RIGI: variants seen among roughly 807,000 people sequenced by gnomAD.
The protein encoded by RIGI is antiviral innate immune response receptor RIG-I.
At chr9:32,463,512 C>T in the RIGI span, among the ~76,000 whole-genome samples, 1 of 152,172 alleles carries the variant, frequency 6.6e-6, no homozygotes, top group Non-Finnish European at 1.5e-5. Flanking sequence ...TAATGGTATT[C>T]AATTATATAC....
the RIGI span, among the ~76,000 whole-genome samples, chr9:32,511,632 A>T: frequency 6.6e-6 from 1 of 151,894 alleles, no homozygotes; most frequent in Admixed American, 6.5e-5. Flanking sequence ...GAAAGAGGGA[A>T]AGATCTAAAA....
the RIGI span, among the ~76,000 whole-genome samples, chr9:32,461,386 T>G: frequency 3.3e-5 from 5 of 152,304 alleles, no homozygotes; most frequent in East Asian, 9.7e-4. Flanking sequence ...CCTCCATGTC[T>G]TCTATGGAAG....
At chr9:32,499,325 T>TTG in the RIGI span, among the ~76,000 whole-genome samples, 1 of 149,606 alleles carries the variant, frequency 6.7e-6, no homozygotes, top group African/African-American at 2.5e-5. Flanking sequence ...TGTTTTTTTT[T>TTG]TTTTTTTTTT....
chr9:32,480,444 TTTAAGAAAAC>T, the RIGI span: 65 of 1,301,326 alleles, frequency 5.0e-5, no homozygotes, highest in Non-Finnish European at 6.6e-5. Flanking sequence ...AACGAATTGT[TTTAAGAAAAC>T]TTTTCTTTTC....
the RIGI span, among the ~76,000 whole-genome samples, chr9:32,503,244 C>T: frequency 6.6e-6 from 1 of 152,106 alleles, no homozygotes; most frequent in Non-Finnish European, 1.5e-5. Context: ...CCACAGCTAC[C>T]GCCTTCCCAG....
the RIGI span, among the ~76,000 whole-genome samples, chr9:32,499,997 C>T: frequency 6.6e-6 from 1 of 152,182 alleles, no homozygotes. Context: ...CAGTAATCCT[C>T]TTTTCTCAGT....
the RIGI span, among the ~76,000 whole-genome samples, chr9:32,495,132 C>T: frequency 6.6e-6 from 1 of 152,324 alleles, no homozygotes; most frequent in East Asian, 1.9e-4. Flanking sequence ...CACCATTTTA[C>T]AATCCTACCA....
chr9:32,489,469 C>T, the RIGI span: 1 of 1,520,874 alleles, frequency 6.6e-7, no homozygotes, highest in Middle Eastern at 1.7e-4. Context: ...ACAAAAGGAG[C>T]AAAATTACCA....
chr9:32,515,341 C>CAT, the RIGI span, among the ~76,000 whole-genome samples: 77,182 of 142,634 alleles, frequency 0.54, 21,987 homozygotes, highest in Middle Eastern at 0.68. Context: ...AAAAGCCACA[C>CAT]GTTTGTTTTT....
the RIGI span, chr9:32,492,680 T>C: frequency 7.6e-6 from 7 of 918,486 alleles, no homozygotes; most frequent in Non-Finnish European, 9.8e-6. Context: ...TCCATGACAA[T>C]TTTTGCCCCA....
the RIGI span, chr9:32,491,293 C>G: frequency 1.2e-6 from 2 of 1,612,692 alleles, no homozygotes; most frequent in South Asian, 2.2e-5. Flanking sequence ...ACAAACAATA[C>G]CAGGTACCTG....
the RIGI span, among the ~76,000 whole-genome samples, chr9:32,469,581 G>A: frequency 4.3e-4 from 65 of 152,294 alleles, no homozygotes; most frequent in African/African-American, 1.4e-3. Flanking sequence ...CAATTATCCC[G>A]GTAGCAGCCA....
the RIGI span, among the ~76,000 whole-genome samples, chr9:32,499,311 GATT>G: frequency 4.9e-5 from 4 of 81,134 alleles, no homozygotes; most frequent in Non-Finnish European, 9.1e-5. Flanking sequence ...CAGAGTTTGT[GATT>G]TGTTTTTTTT....
the RIGI span, chr9:32,480,131 A>G: frequency 1.4e-6 from 2 of 1,430,180 alleles, no homozygotes; most frequent in Non-Finnish European, 1.9e-6. Context: ...CCCCAAGTTT[A>G]TATATATTAA....
chr9:32,493,897 T>C, the RIGI span: 16 of 1,608,836 alleles, frequency 9.9e-6, no homozygotes, highest in Non-Finnish European at 1.4e-5. Flanking sequence ...CTTTTCAATT[T>C]TTTTGAAATC....
the RIGI span, among the ~76,000 whole-genome samples, chr9:32,483,885 C>G: frequency 5.3e-5 from 8 of 152,090 alleles, no homozygotes; most frequent in African/African-American, 1.9e-4. Flanking sequence ...CACACCTTAT[C>G]ACCCCCACCA....
the RIGI span, among the ~76,000 whole-genome samples, chr9:32,508,258 T>TTTTTTTTTTTTTTTTTTTTTTTTTTTTA: frequency 7.2e-6 from 1 of 137,998 alleles, no homozygotes; most frequent in African/African-American, 2.9e-5. Context: ...TTTTTTTTTT[T>TTTTTTTTTTTTTTTTTTTTTTTTTTTTA]ACTATATGAA....
chr9:32,478,938 T>C, the RIGI span, among the ~76,000 whole-genome samples: 1 of 152,212 alleles, frequency 6.6e-6, no homozygotes, highest in Non-Finnish European at 1.5e-5. Flanking sequence ...TTACATTGAA[T>C]AGCACAAAAT....
chr9:32,505,414 G>A, the RIGI span, among the ~76,000 whole-genome samples: 1 of 152,052 alleles, frequency 6.6e-6, no homozygotes, highest in Non-Finnish European at 1.5e-5. Flanking sequence ...TTTTTATTGT[G>A]ATTGTACTCT....
Sources: gnomAD v4.1 joint callset for allele counts (sites outside exome capture counted in the v4.1 genomes callset) on GRCh38, gnomAD v4.1.1 for gene constraint, MANE v1.5 for transcripts, NCBI Gene and HGNC (gene_info 2026-07-23, HGNC 2026-07-21) for gene names.